ADAMTS8: variants seen among roughly 807,000 people sequenced by gnomAD.
The protein encoded by ADAMTS8 is A disintegrin and metalloproteinase with thrombospondin motifs 8.
Under a neutral mutation model 64.4 loss-of-function variants are expected in ADAMTS8, and 50 were observed. The ratio of observed to expected loss-of-function variants is 0.78; its 90% confidence interval spans 0.62 to 0.98. The LOEUF (loss-of-function observed/expected upper bound fraction) is 0.98. Ranked by LOEUF, ADAMTS8 falls within the 50% of genes least tolerant of loss-of-function variation. ADAMTS8 has a pLI of 0.00. For missense variants in ADAMTS8, 1,192 were observed against 1,208.2 expected, an observed-to-expected ratio of 0.99 and a Z score of 0.20; for synonymous variants, 556 against 533.6, an observed-to-expected ratio of 1.04 and a Z score of -0.58.
Position 130,428,568 on chromosome 11 carries a change from C to A in ADAMTS8, c.-282G>T. On this transcript the variant is annotated 5_prime_UTR_variant, in exon 1 of 9. Transcript: ENST00000257359. Reference sequence around the variant, plus strand: ...CCTCCGCCCCTGCCCGCGCCAGCCCCGCGCAGCCGCCTCCTGCCTCCTCCC... The same window carrying A: ...CCTCCGCCCCTGCCCGCGCCAGCCCAGCGCAGCCGCCTCCTGCCTCCTCCC... 4.0e-6 allele frequency: 2 copies of A among 503,790 alleles called. No individual in the cohort carries two copies. Among genetic ancestry groups the A allele is most frequent in the South Asian group, 8.0e-5 (1 of 12,512 alleles). 31.2% of individuals were successfully genotyped at this position (503,790 alleles called of 1,614,324 possible). A position where few individuals can be genotyped will look rare whatever the true frequency, so the allele number is the denominator to read the frequency against.
At position 130,427,796 on chromosome 11, in the gene ADAMTS8, C is replaced by G. The variant is rs1307274765; in HGVS notation, c.491G>C (p.Gly164Ala). 1 of 1,581,018 alleles carries G rather than the reference C, an allele frequency of 6.3e-7. No homozygotes were observed. Among genetic ancestry groups the G allele is most frequent in the Non-Finnish European group, 8.6e-7 (1 of 1,164,952 alleles). The change falls in exon 1 of 9, where the codon GGA becomes GCA. Residue 164 changes from glycine to alanine, a missense_variant. Around this residue, in one of 5 missense-constraint regions of ADAMTS8, gnomAD observed 741 missense variants for 710.6 expected, o/e 1.04. Coordinates refer to ENST00000257359, the MANE Select transcript of ADAMTS8 (RefSeq NM_007037.6). ...GPAGARPLPR[G>A]PEWEVETGEG... ...TCCCGTCTCCACCTCCCACTCGGGT[C>G]CTCGCGGGAGGGGGCGGGCTCCGGC...
chr11:130,413,947 C>T (rs1442175477), intron 5 of ADAMTS8, among the ~76,000 whole-genome samples: 1 of 152,196 alleles, frequency 6.6e-6, no homozygotes, highest in East Asian at 1.9e-4. Flanking sequence ...AGCCCTGAGG[C>T]AGCCCCAAAG....
Position 130,428,222 on chromosome 11 carries a change from G to GGCAGCA in ADAMTS8, c.59_64dup (p.Leu20_Leu21dup), listed in dbSNP as rs10548872. On this transcript the variant is annotated inframe_insertion, in exon 1 of 9. Coordinates refer to ENST00000257359, the MANE Select transcript of ADAMTS8 (RefSeq NM_007037.6). ...CCGGGCCGGGGCGCCGCGGGCCAGC[G>GGCAGCA]GCAGCAGCAGCAGCAGCAGCAGCAG... 2.5e-4 allele frequency: 299 copies of GGCAGCA among 1,199,678 alleles called. No homozygotes were observed. Among genetic ancestry groups the GGCAGCA allele is most frequent in the Middle Eastern group, 9.7e-4 (3 of 3,090 alleles). 74.3% of individuals were successfully genotyped at this position (1,199,678 alleles called of 1,614,324 possible).
At chr11:130,423,648 G>C (rs1259957513) in intron 1 of ADAMTS8, among the ~76,000 whole-genome samples, 1 of 152,324 alleles carries the variant, frequency 6.6e-6, no homozygotes, top group African/African-American at 2.4e-5. Flanking sequence ...TGTTCTGCTG[G>C]ACTTTGGGAA....
At chr11:130,417,545 C>A (rs1862043286) in intron 2 of ADAMTS8, among the ~76,000 whole-genome samples, 1 of 152,048 alleles carries the variant, frequency 6.6e-6, no homozygotes, top group African/African-American at 2.4e-5. Flanking sequence ...CCGTGAGCCA[C>A]CGTGCCCGGC....
intron 6 of ADAMTS8, among the ~76,000 whole-genome samples, chr11:130,409,777 C>A (rs1861930489): frequency 6.6e-6 from 1 of 152,194 alleles, no homozygotes; most frequent in South Asian, 2.1e-4. Context: ...TTTCCACCCC[C>A]AAATCCTAAA....
chr11:130,414,393 T>C, intron 5 of ADAMTS8, 138 bp downstream of exon 5: 1 of 1,084,856 alleles, frequency 9.2e-7, no homozygotes, highest in Non-Finnish European at 1.3e-6. Flanking sequence ...GGGATTCCAG[T>C]GTGAGCCGCT....
Position 130,416,140 on chromosome 11 carries a change from A to T in ADAMTS8, c.1264+23T>A. The T allele has an allele frequency of 6.5e-7, 1 of 1,546,178 alleles. No individual in the cohort carries two copies. The highest frequency in any genetic ancestry group is 8.7e-7 in the Non-Finnish European group (1 of 1,143,874). Reference sequence around the variant, plus strand: ...TGGAAGGAGGCCCACGGGGACAAGTAGGGCGGGGCCGCCGGTGCCTACCGT... The same window carrying T: ...TGGAAGGAGGCCCACGGGGACAAGTTGGGCGGGGCCGCCGGTGCCTACCGT... On this transcript the variant is annotated intron_variant, in intron 4 of 8. Transcript: ENST00000257359. This position sits in a 1 kb window ranked among gnomAD's most constrained non-coding sequence, Gnocchi z 4.8.
intron 5 of ADAMTS8, among the ~76,000 whole-genome samples, chr11:130,412,590 A>C (rs1411227999): frequency 4.6e-5 from 7 of 152,228 alleles, no homozygotes; most frequent in African/African-American, 1.7e-4. Context: ...AGGTTCATAG[A>C]GTATTCAAAA....
In ADAMTS8 at chr11:130,408,446, A is replaced by C. The variant is rs750691854; in HGVS notation, c.2099+18T>G. 1 of 1,612,764 alleles carries C rather than the reference A, an allele frequency of 6.2e-7. No individual in the cohort carries two copies. Among genetic ancestry groups the C allele is most frequent in the South Asian group, 1.1e-5 (1 of 91,008 alleles). On this transcript the variant is annotated intron_variant, in intron 8 of 8. Transcript: ENST00000257359. ...GCTCTTCTACCAAGCAAGGTACAGA[A>C]CTTCTGGGGAGACTCACTTGGTGGG...
Position 130,405,885 on chromosome 11 carries a change from G to C in ADAMTS8, c.2343C>G (p.Pro781=). 6.2e-7 allele frequency: 1 copy of C among 1,614,122 alleles called. No individual in the cohort carries two copies. The highest frequency in any genetic ancestry group is 8.5e-7 in the Non-Finnish European group (1 of 1,180,020). ...ATLERLQSFR[P]LPEPLTVQLL... ...GCTGCACTGTCAGAGGCTCTGGCAA[G>C]GGCCGGAAGCTCTGCAGGCGCTCCA... The change falls in exon 9 of 9, where the codon CCC becomes CCG. Residue 781 remains proline (P), a synonymous_variant. Coordinates refer to ENST00000257359, the MANE Select transcript of ADAMTS8 (RefSeq NM_007037.6).
chr11:130,412,814 T>G (rs1380927855), intron 5 of ADAMTS8, among the ~76,000 whole-genome samples: 1 of 152,236 alleles, frequency 6.6e-6, no homozygotes, highest in Admixed American at 6.5e-5. Context: ...GATATGATTC[T>G]ATGTATATAT....
At chr11:130,425,417 TG>T (rs1862150823) in intron 1 of ADAMTS8, among the ~76,000 whole-genome samples, 1 of 152,150 alleles carries the variant, frequency 6.6e-6, no homozygotes, top group Admixed American at 6.5e-5. Context: ...TGAGACAGTC[TG>T]GCCCTGAAGG....
Position 130,405,036 on chromosome 11 carries a change from G to T in ADAMTS8, c.*522C>A. On this transcript the variant is annotated 3_prime_UTR_variant, in exon 9 of 9. Transcript: ENST00000257359. ...GTGGCTCTCCAAACCCTGCGACGCTGCGGCCCTTTAGGTGATGGATTTTAA... is the reference window on the plus strand; with the variant it reads ...GTGGCTCTCCAAACCCTGCGACGCTTCGGCCCTTTAGGTGATGGATTTTAA... The T allele has an allele frequency of 4.1e-6, 4 of 987,302 alleles. No individual in the cohort carries two copies. The highest frequency in any genetic ancestry group is 6.1e-5 in the Admixed American group (1 of 16,406). The allele number at this position is 987,302 out of a possible 1,614,324, so 61.2% of individuals were successfully genotyped here. A position where few individuals can be genotyped will look rare whatever the true frequency, so the allele number is the denominator to read the frequency against.
chr11:130,427,743 G>A lies in ADAMTS8; in HGVS notation c.544C>T (p.His182Tyr). The A allele has an allele frequency of 6.3e-7, 1 of 1,596,134 alleles. No individual in the cohort carries two copies. The highest frequency in any genetic ancestry group is 8.5e-7 in the Non-Finnish European group (1 of 1,172,318). The part of the protein sequence containing the change: ...GEGQRQERGD[H>Y]QEDSEEESQE... ...CTCTCCTCCTCGCTGTCCTCCTGGT[G>A]GTCTCCTCTCTCCTGCCTCTGACCC... The change falls in exon 1 of 9, where the codon CAC becomes TAC. Residue 182 changes from histidine to tyrosine, a missense_variant. By Grantham distance (83) the His-to-Tyr change is moderately conservative. Around this residue, in one of 5 missense-constraint regions of ADAMTS8, gnomAD observed 741 missense variants for 710.6 expected, o/e 1.04. Coordinates refer to ENST00000257359, the MANE Select transcript of ADAMTS8 (RefSeq NM_007037.6).
chr11:130,428,296 G>T lies in ADAMTS8; in HGVS notation c.-10C>A. On this transcript the variant is annotated 5_prime_UTR_variant, in exon 1 of 9. Coordinates refer to ENST00000257359, the MANE Select transcript of ADAMTS8 (RefSeq NM_007037.6). ...CGGGGGCGGGGAGCATGGGGGCTGCGGCGGTGGCTGCGCGCAGGAGAGGGA... is the reference window on the plus strand; with the variant it reads ...CGGGGGCGGGGAGCATGGGGGCTGCTGCGGTGGCTGCGCGCAGGAGAGGGA... 8.1e-7 allele frequency: 1 copy of T among 1,241,976 alleles called. No individual in the cohort carries two copies. The highest frequency in any genetic ancestry group is 1.0e-6 in the Non-Finnish European group (1 of 988,912). 76.9% of individuals were successfully genotyped at this position (1,241,976 alleles called of 1,614,324 possible).
Position 130,414,600 on chromosome 11 carries a change from C to T in ADAMTS8, c.1497G>A (p.Thr499=), listed in dbSNP as rs142963990. Residue 499 remains threonine, a synonymous_variant, in exon 5 of 9, where the codon ACG becomes ACA. Transcript: ENST00000257359. ...KNGSLPWADG[T]PCGPGHLCSE... ...AGCAGAGGTGCCCAGGCCCGCACGG[C>T]GTGCCGTCAGCCCAGGGCAGGCTGC... 1,307 of 1,613,296 alleles carry T rather than the reference C, an allele frequency of 8.1e-4. 17 individuals carry two copies. The African/African-American group carries it at 0.016, about 19-fold the overall frequency.
rs1273483182 is a variant in ADAMTS8, at chr11:130,414,851, G to A, written c.1265-19C>T. ...CAGTCTCCTGGGAAAAGAGGAAGCA[G>A]GGGTGTAAGAACATGCACAGGGCTG... On this transcript the variant is annotated intron_variant, in intron 4 of 8. Transcript: ENST00000257359. 2.5e-6 allele frequency: 4 copies of A among 1,590,858 alleles called. No homozygotes were observed. Among genetic ancestry groups the A allele is most frequent in the African/African-American group, 2.7e-5 (2 of 74,444 alleles).
rs1862062894 is a variant in ADAMTS8, at chr11:130,418,998, G to A, written c.960+55C>T. 1.9e-6 allele frequency: 3 copies of A among 1,607,778 alleles called. No individual in the cohort carries two copies. In the South Asian group the frequency reaches 3.3e-5, roughly 18 times the overall value. ...GGGCAGGCCTCGTGGTCCTCCCTTTGATCTGCCCATCCTGTCTCCCTTCCT... is the reference window on the plus strand; with the variant it reads ...GGGCAGGCCTCGTGGTCCTCCCTTTAATCTGCCCATCCTGTCTCCCTTCCT... On this transcript the variant is annotated intron_variant, in intron 2 of 8. Coordinates refer to ENST00000257359, the MANE Select transcript of ADAMTS8 (RefSeq NM_007037.6).
Sources: allele counts gnomAD v4.1 joint callset (sites outside exome capture counted in the v4.1 genomes callset), GRCh38; gene constraint gnomAD v4.1.1; regional missense constraint gnomAD v4.1.1; non-coding constraint Gnocchi (gnomAD v3.1); transcripts MANE v1.5; gene names NCBI Gene and HGNC (gene_info 2026-07-23, HGNC 2026-07-21).